The following DNAH9 variants were observed in gnomAD, a reference collection of about 807,000 sequenced individuals.
DNAH9 encodes dynein axonemal heavy chain 9.
DNAH9 carries 345 observed loss-of-function variants against 471.6 expected under a neutral mutation model. The ratio of observed to expected loss-of-function variants is 0.73; its 90% CI spans 0.67 to 0.80. The LOEUF (loss-of-function observed/expected upper bound fraction) is 0.80. DNAH9 is among the 30% of genes least tolerant of loss of function. DNAH9 has a pLI of 0.00. For synonymous variants in DNAH9, 2,093 were observed against 2,123.6 expected (o/e 0.99, Z 0.40); for missense variants, 5,407 against 5,609.2 (o/e 0.96, Z 1.15).
Position 11,669,237 on chromosome 17 carries a change from C to G in DNAH9, c.2905C>G (p.Gln969Glu). Reference sequence around the variant, plus strand: ...ATCTCTGGTGCCACGGCTTTCCCCACAAAATGGCTCTCCTCACTATCAGGT... The same window carrying G: ...ATCTCTGGTGCCACGGCTTTCCCCAGAAAATGGCTCTCCTCACTATCAGGT... ...IPSLVPRLSP[Q>E]NGSPHYQVDL... Residue 969 changes from glutamine to glutamate, a missense_variant, in exon 16 of 69, where the codon CAA becomes GAA. Physicochemically the swap from Gln to Glu is conservative, Grantham distance 29. This residue lies in a region of DNAH9 where 4,636 missense variants were observed against 4,900.3 expected (regional missense o/e 0.95). Coordinates refer to ENST00000262442, the MANE Select transcript of DNAH9 (RefSeq NM_001372.4). 6.2e-7 allele frequency: 1 copy of G among 1,613,694 alleles called. No individual in the cohort carries two copies. Among genetic ancestry groups the G allele is most frequent in the Non-Finnish European group, 8.5e-7 (1 of 1,179,790 alleles).
rs767646466 is a variant in DNAH9, at chr17:11,647,197, A to G, written c.2096A>G (p.Gln699Arg). ...TKEITINFNPQLISVLKEMSY... is the reference protein window; with the variant it reads ...TKEITINFNPRLISVLKEMSY... ...GAGATCACTATCAACTTTAACCCACAGGTCAGTTGGCTGACAGTAGCTCTC... is the reference window on the plus strand; with the variant it reads ...GAGATCACTATCAACTTTAACCCACGGGTCAGTTGGCTGACAGTAGCTCTC... Residue 699 changes from glutamine (Q) to arginine (R), a missense_variant and splice_region_variant, in exon 12 of 69, where the codon CAG becomes CGG. Transcript: ENST00000262442. 1.2e-6 allele frequency: 2 copies of G among 1,613,600 alleles called. No individual in the cohort carries two copies. The highest frequency in any genetic ancestry group is 1.7e-6 in the Non-Finnish European group (2 of 1,179,760).
At chr17:11,930,765 C>CAAAAA (rs11371438) in intron 63 of DNAH9, among the ~76,000 whole-genome samples, 12 of 125,216 alleles carry the variant, frequency 9.6e-5, no homozygotes, top group African/African-American at 3.8e-4. Context: ...ACTCCATCTC[C>CAAAAA]AAAAAAAAAA....
intron 26 of DNAH9, among the ~76,000 whole-genome samples, chr17:11,712,101 T>TA (rs2074871932): frequency 8.6e-6 from 1 of 115,938 alleles, no homozygotes; most frequent in Admixed American, 1.1e-4. Flanking sequence ...TATATTTATA[T>TA]ATAAATATAT....
chr17:11,906,930 T>G (rs1421127498), intron 61 of DNAH9, among the ~76,000 whole-genome samples: 4 of 152,086 alleles, frequency 2.6e-5, no homozygotes, highest in African/African-American at 7.2e-5. Context: ...AATACCGAGG[T>G]GATGGGATGA....
chr17:11,946,949 G>C (rs1357209302), intron 67 of DNAH9, among the ~76,000 whole-genome samples: 3 of 152,126 alleles, frequency 2.0e-5, no homozygotes, highest in Admixed American at 6.6e-5. Flanking sequence ...TCATGAAAAA[G>C]ATATTGTTAT....
At chr17:11,741,897 C>T (rs2075438097) in intron 29 of DNAH9, among the ~76,000 whole-genome samples, 1 of 152,146 alleles carries the variant, frequency 6.6e-6, no homozygotes, top group South Asian at 2.1e-4. Context: ...TCCAAGTCTG[C>T]CCCTGCCTGC....
At chr17:11,612,065 C>G (rs1386531934) in intron 4 of DNAH9, 8 of 591,764 alleles carry the variant, frequency 1.4e-5, no homozygotes, top group African/African-American at 1.3e-4. Flanking sequence ...GCCTACTTTT[C>G]TAGGTCCGTG....
intron 68 of DNAH9, among the ~76,000 whole-genome samples, chr17:11,964,553 T>C (rs1976527419): frequency 1.3e-5 from 2 of 152,062 alleles, no homozygotes; most frequent in Non-Finnish European, 2.9e-5. Flanking sequence ...CCTAAAATCC[T>C]CTCCTCCATA....
chr17:11,918,754 G>A (rs1332092676), intron 61 of DNAH9, among the ~76,000 whole-genome samples: 3 of 152,132 alleles, frequency 2.0e-5, no homozygotes, highest in Non-Finnish European at 2.9e-5. Context: ...GGGAGGCCAA[G>A]GCACGCGGAT....
At chr17:11,925,344 T>G (rs1293869340) in intron 62 of DNAH9, 4 of 344,428 alleles carry the variant, frequency 1.2e-5, no homozygotes, top group Non-Finnish European at 2.3e-5. Flanking sequence ...ATCTCCTGAT[T>G]ACTGGTGACA....
At chr17:11,609,494 G>A (rs1028427797) in intron 2 of DNAH9, among the ~76,000 whole-genome samples, 1 of 152,144 alleles carries the variant, frequency 6.6e-6, no homozygotes, top group African/African-American at 2.4e-5. Context: ...CATTTTGGGG[G>A]AATGGGTGTC....
Position 11,796,111 on chromosome 17 carries a change from C to T in DNAH9, c.8224-1486C>T, listed in dbSNP as rs531074790. ...ATGGCTCTGATCATAAAATCACAGACTTGTTTTGTTCCTCAAAGAGTCTTT... is the reference window on the plus strand; with the variant it reads ...ATGGCTCTGATCATAAAATCACAGATTTGTTTTGTTCCTCAAAGAGTCTTT... On this transcript the variant is annotated intron_variant, in intron 42 of 68. Coordinates refer to ENST00000262442, the MANE Select transcript of DNAH9 (RefSeq NM_001372.4). Among the ~76,000 whole-genome samples the T allele has an allele frequency of 5.2e-4, 79 of 152,350 alleles. 1 individual carries two copies. In the South Asian group the frequency reaches 7.9e-3, roughly 15 times the overall value.
At chr17:11,727,466 A>C (rs1428485526) in intron 27 of DNAH9, among the ~76,000 whole-genome samples, 1 of 152,208 alleles carries the variant, frequency 6.6e-6, no homozygotes, top group Non-Finnish European at 1.5e-5. Context: ...CCATCAGTGC[A>C]TGACAAAGGC....
In DNAH9 at chr17:11,744,784, A is replaced by G; in HGVS notation, c.6112-13A>G. The G allele has an allele frequency of 6.2e-7, 1 of 1,604,746 alleles. No homozygotes were observed. Among genetic ancestry groups the G allele is most frequent in the South Asian group, 1.1e-5 (1 of 90,020 alleles). ...TCTGTCTCTCTGTCACTTTGATCTAACACTGCCCACAGGATCACTACGACT... is the reference window on the plus strand; with the variant it reads ...TCTGTCTCTCTGTCACTTTGATCTAGCACTGCCCACAGGATCACTACGACT... On this transcript the variant is annotated splice_polypyrimidine_tract_variant and intron_variant, in intron 30 of 68. Coordinates refer to ENST00000262442, the MANE Select transcript of DNAH9 (RefSeq NM_001372.4).
At chr17:11,722,834 T>C (rs2075084523) in intron 27 of DNAH9, among the ~76,000 whole-genome samples, 1 of 152,176 alleles carries the variant, frequency 6.6e-6, no homozygotes, top group Admixed American at 6.5e-5. Flanking sequence ...ATTATAGCTG[T>C]AATACTTTCC....
intron 19 of DNAH9, among the ~76,000 whole-genome samples, chr17:11,687,602 C>CTAGTTAGTCA (rs1371235757): frequency 1.1e-4 from 17 of 152,140 alleles, no homozygotes; most frequent in African/African-American, 3.4e-4. Flanking sequence ...GGCCGATTCT[C>CTAGTTAGTCA]TAGTTAGTCA....
intron 56 of DNAH9, 29 bp from the exon 57 acceptor site, chr17:11,886,796 C>G: frequency 1.3e-6 from 2 of 1,593,622 alleles, no homozygotes; most frequent in Non-Finnish European, 1.7e-6. Flanking sequence ...TTGGTTGGAA[C>G]AGTGGGCTGC....
At chr17:11,844,857 G>C (rs1971158989) in intron 49 of DNAH9, among the ~76,000 whole-genome samples, 1 of 152,128 alleles carries the variant, frequency 6.6e-6, no homozygotes, top group Non-Finnish European at 1.5e-5. Flanking sequence ...ACTGGCGTGA[G>C]ATTGTATTTC....
At position 11,784,321 on chromosome 17, in the gene DNAH9, C is replaced by T. The variant is rs986581863; in HGVS notation, c.7843C>T (p.Leu2615Phe). Reference sequence around the variant, plus strand: ...ACAGCGTCACTTCAGCGTGTTTGTCCTCTCCTTCCCGGGGGCAGATGCCCT... The same window carrying T: ...ACAGCGTCACTTCAGCGTGTTTGTCTTCTCCTTCCCGGGGGCAGATGCCCT... ...RLQRHFSVFVLSFPGADALSS... is the reference protein window; with the variant it reads ...RLQRHFSVFVFSFPGADALSS... The change falls in exon 41 of 69, where the codon CTC (leucine) becomes TTC (phenylalanine). Residue 2615 changes from leucine (L) to phenylalanine (F), a missense_variant. Physicochemically the swap from Leu to Phe is conservative, Grantham distance 22. Coordinates refer to ENST00000262442, the MANE Select transcript of DNAH9 (RefSeq NM_001372.4). 1.2e-6 allele frequency: 2 copies of T among 1,614,094 alleles called. No individual in the cohort carries two copies. Among genetic ancestry groups the T allele is most frequent in the African/African-American group, 1.3e-5 (1 of 75,020 alleles).
Sources: gnomAD v4.1 joint callset for allele counts (sites outside exome capture counted in the v4.1 genomes callset) on GRCh38, gnomAD v4.1.1 for gene constraint, gnomAD v4.1.1 regional missense constraint, MANE v1.5 for transcripts, NCBI Gene and HGNC (gene_info 2026-07-23, HGNC 2026-07-21) for gene names.